The following ZC3H12B variants were observed in gnomAD, a reference collection of about 807,000 sequenced individuals.
The protein encoded by ZC3H12B is probable ribonuclease ZC3H12B.
A neutral mutation model predicts 43.9 loss-of-function variants in ZC3H12B; 7 were observed. The ratio of observed to expected loss-of-function variants is 0.16; its 90% CI spans 0.09 to 0.30. The LOEUF is 0.30. Ranked by LOEUF, ZC3H12B falls within the 10% of genes least tolerant of loss-of-function variation. The pLI is 1.00. For missense variants in ZC3H12B, 475 were observed against 670.2 expected (o/e 0.71, Z 3.22); for synonymous variants, 222 against 241.7 (o/e 0.92, Z 0.76).
chrX:65,117,077 G>T, the ZC3H12B span, among the ~76,000 whole-genome samples: 3 of 111,790 alleles, frequency 2.7e-5, no homozygotes, highest in South Asian at 3.7e-4. Flanking sequence ...ATATACCCAG[G>T]AATGGGATGG....
At chrX:65,104,869 G>A in the ZC3H12B span, among the ~76,000 whole-genome samples, 7 of 111,053 alleles carry the variant, frequency 6.3e-5, no homozygotes, top group Admixed American at 9.6e-5. Flanking sequence ...ATCTAGAACC[G>A]GAAATACCAT....
At chrX:65,370,400 G>T in intron 2 of ZC3H12B, among the ~76,000 whole-genome samples, 1 of 111,264 alleles carries the variant, frequency 9.0e-6, no homozygotes, top group South Asian at 3.9e-4. Context: ...TCTGTAACAT[G>T]AGAATAATCC....
chrX:65,115,950 C>G, the ZC3H12B span, among the ~76,000 whole-genome samples: 1 of 110,503 alleles, frequency 9.0e-6, no homozygotes, highest in African/African-American at 3.3e-5. Flanking sequence ...TGATATTAGT[C>G]CTTTGTCAGA....
At chrX:65,250,859 T>G in the ZC3H12B span, among the ~76,000 whole-genome samples, 1 of 111,851 alleles carries the variant, frequency 8.9e-6, no homozygotes, top group Non-Finnish European at 1.9e-5. Context: ...ATGAGCAGAT[T>G]GCAAAAATTT....
chrX:65,298,858 A>C, the ZC3H12B span, among the ~76,000 whole-genome samples: 2 of 111,688 alleles, frequency 1.8e-5, no homozygotes, highest in African/African-American at 6.5e-5. Context: ...AGGGAAAGCA[A>C]GGCACCATCT....
Position 65,481,751 on chromosome X carries a change from A to G in ZC3H12B, n.408-6895A>G, listed in dbSNP as rs753052290. On this transcript the variant is annotated intron_variant and non_coding_transcript_variant, in intron 3 of 5. Transcript: ENST00000617377. Reference sequence around the variant, plus strand: ...GAATTACTCCTGCAGCTGAGATAAAACAGAGCAGCTCTTGAAAAAAGCAAT... The same window carrying G: ...GAATTACTCCTGCAGCTGAGATAAAGCAGAGCAGCTCTTGAAAAAAGCAAT... Among the ~76,000 whole-genome samples, 4 of 112,491 alleles carry G rather than the reference A, an allele frequency of 3.6e-5. No homozygotes were observed. In the East Asian group the frequency reaches 1.1e-3, roughly 31 times the overall value.
chrX:65,318,183 A>ATTTT, the ZC3H12B span, among the ~76,000 whole-genome samples: 3 of 96,969 alleles, frequency 3.1e-5, no homozygotes, highest in South Asian at 9.1e-4. Context: ...GCCAACATGT[A>ATTTT]TTTTTTTTTT....
chrX:65,384,855 G>T (rs772606661), intron 2 of ZC3H12B, among the ~76,000 whole-genome samples: 1 of 111,132 alleles, frequency 9.0e-6, no homozygotes, highest in East Asian at 2.8e-4. Flanking sequence ...AAGAACAGGA[G>T]TTGGAACATA....
the ZC3H12B span, among the ~76,000 whole-genome samples, chrX:65,245,770 C>T: frequency 2.7e-5 from 3 of 111,340 alleles, no homozygotes; most frequent in African/African-American, 9.8e-5. Flanking sequence ...AAGCAGTCCC[C>T]TTGAAAACGG....
chrX:65,127,159 G>C, the ZC3H12B span, among the ~76,000 whole-genome samples: 1 of 111,305 alleles, frequency 9.0e-6, no homozygotes, highest in Non-Finnish European at 1.9e-5. Context: ...GGGATTCAAG[G>C]GCTGCTGTTC....
chrX:65,423,619 C>T (rs899467746), intron 3 of ZC3H12B, among the ~76,000 whole-genome samples: 3 of 112,124 alleles, frequency 2.7e-5, no homozygotes, highest in African/African-American at 9.7e-5. Context: ...TGATAATGAG[C>T]TTTTTTTCAT....
the ZC3H12B span, among the ~76,000 whole-genome samples, chrX:65,127,663 T>C: frequency 2.7e-5 from 3 of 110,946 alleles, no homozygotes; most frequent in Non-Finnish European, 5.7e-5. Flanking sequence ...GATAGGTATG[T>C]CTCAGCTCAG....
At chrX:65,048,155 C>T in the ZC3H12B span, among the ~76,000 whole-genome samples, 4 of 110,821 alleles carry the variant, frequency 3.6e-5, no homozygotes, top group South Asian at 1.5e-3. Flanking sequence ...AGTATTTGTC[C>T]TTCTGTGACT....
chrX:65,053,641 T>A, the ZC3H12B span, among the ~76,000 whole-genome samples: 2 of 111,456 alleles, frequency 1.8e-5, no homozygotes, highest in African/African-American at 6.5e-5. Context: ...GATGGCTGGG[T>A]CAAATGGTAT....
At chrX:65,102,440 A>G in the ZC3H12B span, among the ~76,000 whole-genome samples, 4 of 112,245 alleles carry the variant, frequency 3.6e-5, no homozygotes, top group Admixed American at 3.8e-4. Context: ...AGAGGAAGTC[A>G]AATTGTCTCT....
At chrX:65,283,969 A>C in the ZC3H12B span, among the ~76,000 whole-genome samples, 1 of 111,110 alleles carries the variant, frequency 9.0e-6, no homozygotes, top group East Asian at 2.8e-4. Flanking sequence ...TACTACTTGG[A>C]CTTGGTTCTC....
chrX:65,296,399 A>G, the ZC3H12B span, among the ~76,000 whole-genome samples: 1 of 111,082 alleles, frequency 9.0e-6, no homozygotes, highest in African/African-American at 3.3e-5. Flanking sequence ...ATTTGGGTAC[A>G]GTATACACTG....
chrX:65,144,095 G>T, the ZC3H12B span, among the ~76,000 whole-genome samples: 1 of 111,536 alleles, frequency 9.0e-6, no homozygotes, highest in Non-Finnish European at 1.9e-5. Context: ...TTCTTTGAAT[G>T]TCTGGTAGAA....
At chrX:65,172,606 G>A in the ZC3H12B span, among the ~76,000 whole-genome samples, 2 of 112,162 alleles carry the variant, frequency 1.8e-5, no homozygotes, top group African/African-American at 6.5e-5. Context: ...TTTCTATAAG[G>A]TGTAAGGAAG....
Sources: allele counts gnomAD v4.1 joint callset (sites outside exome capture counted in the v4.1 genomes callset), GRCh38; gene constraint gnomAD v4.1.1; transcripts MANE v1.5; gene names NCBI Gene and HGNC (gene_info 2026-07-23, HGNC 2026-07-21).